The following ACCSL variants were observed in gnomAD, a reference collection of about 807,000 sequenced individuals.
The protein encoded by ACCSL is probable inactive 1-aminocyclopropane-1-carboxylate synthase-like protein 2.
A neutral mutation model predicts 61.7 loss-of-function variants in ACCSL; 55 were observed. That is an observed-to-expected ratio of 0.89 (90% confidence interval 0.72 to 1.12). The LOEUF is 1.12. Ranked by LOEUF, ACCSL falls within the 50% of genes most tolerant of loss-of-function variation. The pLI, the probability that ACCSL is intolerant of heterozygous loss-of-function variation, is 0.00. For missense variants in ACCSL, 632 were observed against 698.0 expected, an observed-to-expected ratio of 0.91 and a Z score of 1.07; for synonymous variants, 258 against 264.3, an observed-to-expected ratio of 0.98 and a Z score of 0.23.
the ACCSL span, among the ~76,000 whole-genome samples, chr11:43,931,668 T>G: frequency 6.6e-6 from 1 of 152,172 alleles, no homozygotes; most frequent in Non-Finnish European, 1.5e-5. Context: ...CATTTAAGGG[T>G]GAGATGATAG....
chr11:43,946,495 G>C, the ACCSL span, among the ~76,000 whole-genome samples: 3 of 152,060 alleles, frequency 2.0e-5, no homozygotes, highest in African/African-American at 7.2e-5. Context: ...CCACCACCCA[G>C]AGATAAATAA....
Position 44,050,543 on chromosome 11 carries a change from T to C in ACCSL, c.565-9T>C. On this transcript the variant is annotated splice_polypyrimidine_tract_variant and intron_variant, in intron 2 of 13. Coordinates refer to ENST00000378832, the MANE Select transcript of ACCSL (RefSeq NM_001031854.2). ...GGCCTACCTGTCTTCATGTTCTATT[T>C]GTCAACAGTTGCAAGAAAGTGACAT... 1 of 1,613,672 alleles carries C rather than the reference T, an allele frequency of 6.2e-7. No individual in the cohort carries two copies. The highest frequency in any genetic ancestry group is 8.5e-7 in the Non-Finnish European group (1 of 1,179,802).
chr11:43,993,755 A>C, the ACCSL span, among the ~76,000 whole-genome samples: 1 of 152,150 alleles, frequency 6.6e-6, no homozygotes, highest in African/African-American at 2.4e-5. Flanking sequence ...AAACCTGGGC[A>C]GGAAGGATCC....
chr11:43,995,405 C>CA, the ACCSL span: 2 of 152,186 alleles, frequency 1.3e-5, no homozygotes, highest in Non-Finnish European at 2.9e-5. Flanking sequence ...ACATGGAGGA[C>CA]ACACATGAGG....
the ACCSL span, chr11:43,942,955 G>C: frequency 6.8e-7 from 1 of 1,476,408 alleles, no homozygotes; most frequent in Non-Finnish European, 9.0e-7. Flanking sequence ...GTTACCAGGC[G>C]GTGATGCCGC....
At chr11:43,968,410 CT>C in the ACCSL span, among the ~76,000 whole-genome samples, 2 of 151,586 alleles carry the variant, frequency 1.3e-5, no homozygotes, top group African/African-American at 4.8e-5. Flanking sequence ...ACCTTCATGG[CT>C]TTTGTGTGAA....
the ACCSL span, among the ~76,000 whole-genome samples, chr11:43,962,616 G>A: frequency 6.6e-6 from 1 of 152,210 alleles, no homozygotes; most frequent in Non-Finnish European, 1.5e-5. Context: ...TAAGGGCATT[G>A]CTTCTCTTTT....
chr11:44,048,273 C>T lies in ACCSL; in HGVS notation c.237C>T (p.Ile79=), dbSNP rs1281854585. ...ALLSRLICRM[I]NLLQSGAASG... The stretch of plus-strand genomic sequence containing the variant: ...TGAGTCGCTTAATATGCCGGATGAT[C>T]AACCTCCTACAGTCTGGGGCCGCGA... Residue 79 remains isoleucine (I), a synonymous_variant, in exon 1 of 14, where the codon ATC becomes ATT. Coordinates refer to ENST00000378832, the MANE Select transcript of ACCSL (RefSeq NM_001031854.2). 6.2e-7 allele frequency: 1 copy of T among 1,614,110 alleles called. No homozygotes were observed. The highest frequency in any genetic ancestry group is 1.1e-5 in the South Asian group (1 of 91,068).
chr11:43,998,868 T>A, the ACCSL span, among the ~76,000 whole-genome samples: 1 of 151,938 alleles, frequency 6.6e-6, no homozygotes, highest in African/African-American at 2.4e-5. Context: ...CAGGTGATCC[T>A]CCCACCTCAG....
the ACCSL span, among the ~76,000 whole-genome samples, chr11:44,003,213 G>A: frequency 6.6e-6 from 1 of 152,218 alleles, no homozygotes; most frequent in Admixed American, 6.5e-5. Context: ...AGCCAAAGCA[G>A]GTCACGGAAG....
chr11:43,945,662 G>C, the ACCSL span: 1 of 143,860 alleles, frequency 7.0e-6, no homozygotes, highest in Non-Finnish European at 1.5e-5. Flanking sequence ...TGGGCAACAT[G>C]GTGAAATCCT....
At chr11:43,935,945 C>G in the ACCSL span, among the ~76,000 whole-genome samples, 1 of 152,174 alleles carries the variant, frequency 6.6e-6, no homozygotes. Context: ...CCACACTGAC[C>G]CCTCCCACAG....
chr11:43,926,512 A>G, the ACCSL span: 3 of 456,084 alleles, frequency 6.6e-6, no homozygotes, highest in South Asian at 4.6e-5. Context: ...GTTCAAGACC[A>G]GGGCTTTTAT....
chr11:43,972,929 G>T, the ACCSL span, among the ~76,000 whole-genome samples: 4 of 152,184 alleles, frequency 2.6e-5, no homozygotes, highest in African/African-American at 4.8e-5. Flanking sequence ...GATCACTGGA[G>T]CCCAGGAGTT....
chr11:44,051,635 C>T lies in ACCSL; in HGVS notation c.706-18C>T, dbSNP rs772657375. The T allele has an allele frequency of 2.5e-6, 4 of 1,614,150 alleles. No individual in the cohort carries two copies. In the East Asian group the frequency reaches 8.9e-5, roughly 36 times the overall value. ...TAGGTATTGGTTTTGACTTCTGCCT[C>T]TCATGTGTTGTCTTCAGGTGGTGGT... On this transcript the variant is annotated intron_variant, in intron 4 of 13. Coordinates refer to ENST00000378832, the MANE Select transcript of ACCSL (RefSeq NM_001031854.2).
intron 1 of ACCSL, among the ~76,000 whole-genome samples, chr11:44,049,345 G>A (rs759269265): frequency 6.0e-5 from 9 of 149,914 alleles, no homozygotes; most frequent in African/African-American, 1.2e-4. Context: ...ACTTGACCCC[G>A]GCAGCTGGAG....
At chr11:44,021,872 G>A in the ACCSL span, among the ~76,000 whole-genome samples, 3 of 151,962 alleles carry the variant, frequency 2.0e-5, no homozygotes, top group Non-Finnish European at 4.4e-5. Flanking sequence ...TGTTGAATAG[G>A]GTGTCCCTTC....
At chr11:44,037,467 T>C in the ACCSL span, among the ~76,000 whole-genome samples, 1 of 152,252 alleles carries the variant, frequency 6.6e-6, no homozygotes, top group Non-Finnish European at 1.5e-5. Flanking sequence ...TGGCCTCTTC[T>C]ATACTCCTCT....
chr11:43,938,528 G>T, the ACCSL span, among the ~76,000 whole-genome samples: 10 of 152,190 alleles, frequency 6.6e-5, no homozygotes, highest in Non-Finnish European at 1.3e-4. Flanking sequence ...AAGTGGCTGC[G>T]TGCAGTGACT....
Sources: gnomAD v4.1 joint callset for allele counts (sites outside exome capture counted in the v4.1 genomes callset) on GRCh38, gnomAD v4.1.1 for gene constraint, MANE v1.5 for transcripts, NCBI Gene and HGNC (gene_info 2026-07-23, HGNC 2026-07-21) for gene names.